TMEM178B: variants seen among roughly 807,000 people sequenced by gnomAD.
TMEM178B encodes the protein transmembrane protein 178B.
In TMEM178B, 5 loss-of-function variants were observed where a neutral mutation model predicts 31.0. The ratio of observed to expected loss-of-function variants is 0.16; its 90% CI spans 0.08 to 0.34. The LOEUF is 0.34. Ranked by LOEUF, TMEM178B falls within the 10% of genes least tolerant of loss-of-function variation. The probability of loss-of-function intolerance (pLI) is 1.00; values close to 1 mark genes in which losing one functional copy is unlikely to be tolerated. For synonymous variants in TMEM178B, 164 were observed against 164.0 expected, an observed-to-expected ratio of 1.00 and a Z score of 0.00; for missense variants, 275 against 400.3, an observed-to-expected ratio of 0.69 and a Z score of 2.67.
At chr7:141,179,395 T>G (rs1796481675) in intron 1 of TMEM178B, among the ~76,000 whole-genome samples, 1 of 152,190 alleles carries the variant, frequency 6.6e-6, no homozygotes, top group African/African-American at 2.4e-5. Context: ...GTAAGTTAAT[T>G]TTTTTCTTTT....
rs538195274 is a variant in TMEM178B, at chr7:141,240,880, G to A, written c.496+28176G>A. ...TAGCTTTTGTTAAGTTTTCTGAAAG[G>A]TGGGTGCTGGGAAGGTTGCACTTCT... On this transcript the variant is annotated intron_variant, in intron 2 of 3. Coordinates refer to ENST00000565468, the MANE Select transcript of TMEM178B (RefSeq NM_001195278.2). 2.0e-5 allele frequency among the ~76,000 whole-genome samples: 3 copies of A among 152,284 alleles called. No individual in the cohort carries two copies. The South Asian group carries it at 6.2e-4, about 32-fold the overall frequency.
chr7:141,174,113 C>T (rs1388900397), intron 1 of TMEM178B, among the ~76,000 whole-genome samples: 1 of 152,056 alleles, frequency 6.6e-6, no homozygotes, highest in Admixed American at 6.6e-5. Flanking sequence ...CCCCTAGCAC[C>T]ACCCCCACCC....
intron 2 of TMEM178B, among the ~76,000 whole-genome samples, chr7:141,350,029 A>G (rs1799689514): frequency 6.6e-6 from 1 of 151,974 alleles, no homozygotes; most frequent in South Asian, 2.1e-4. Context: ...CTATCTGTCC[A>G]TCCATCCATC....
chr7:141,185,076 G>A (rs375251049), intron 1 of TMEM178B, among the ~76,000 whole-genome samples: 1 of 152,180 alleles, frequency 6.6e-6, no homozygotes, highest in East Asian at 1.9e-4. Context: ...TCAGTGCCCT[G>A]CTGCTCAAAG....
intron 2 of TMEM178B, among the ~76,000 whole-genome samples, chr7:141,363,330 G>A (rs1478473761): frequency 6.6e-6 from 1 of 152,200 alleles, no homozygotes; most frequent in Non-Finnish European, 1.5e-5. Flanking sequence ...TTTCTTCCCT[G>A]AGTCTATTGC....
chr7:141,123,134 T>C (rs1795436102), intron 1 of TMEM178B, among the ~76,000 whole-genome samples: 2 of 152,248 alleles, frequency 1.3e-5, no homozygotes, highest in African/African-American at 4.8e-5. Context: ...TTAGCCTGTC[T>C]TTTCTCTGTC....
chr7:141,364,131 T>C (rs1799963192), intron 2 of TMEM178B, among the ~76,000 whole-genome samples: 1 of 152,164 alleles, frequency 6.6e-6, no homozygotes. Context: ...TAGATTTATG[T>C]GTTTTCTGCC....
At chr7:141,317,360 T>A (rs1332920095) in intron 2 of TMEM178B, among the ~76,000 whole-genome samples, 1 of 152,170 alleles carries the variant, frequency 6.6e-6, no homozygotes, top group East Asian at 1.9e-4. Flanking sequence ...AAAGGCCCTT[T>A]TTGGTTATAA....
intron 3 of TMEM178B, among the ~76,000 whole-genome samples, chr7:141,467,940 T>C (rs1802173969): frequency 6.8e-6 from 1 of 147,174 alleles, no homozygotes; most frequent in African/African-American, 2.5e-5. Context: ...TCTATTTTAC[T>C]GCCCCCTTAC....
At chr7:141,480,667 T>G (rs1001401698), downstream of TMEM178B, among the ~76,000 whole-genome samples, 1 of 152,230 alleles carries the variant, frequency 6.6e-6, no homozygotes, top group African/African-American at 2.4e-5. Context: ...ATTACTGGCA[T>G]TAATAACTCT....
intron 1 of TMEM178B, among the ~76,000 whole-genome samples, chr7:141,109,157 G>C (rs897264677): frequency 1.3e-5 from 2 of 152,162 alleles, no homozygotes; most frequent in Non-Finnish European, 2.9e-5. Flanking sequence ...AGAGTTGGGT[G>C]GGGGACACAG....
intron 2 of TMEM178B, among the ~76,000 whole-genome samples, chr7:141,221,842 C>T (rs1391100972): frequency 6.6e-6 from 1 of 152,234 alleles, no homozygotes; most frequent in African/African-American, 2.4e-5. Context: ...GCGTCAAGGG[C>T]AGTGCTTCCC....
chr7:141,165,644 C>T (rs1199185154), intron 1 of TMEM178B, among the ~76,000 whole-genome samples: 1 of 152,182 alleles, frequency 6.6e-6, no homozygotes, highest in Non-Finnish European at 1.5e-5. Context: ...GGAACCCCCT[C>T]CTTTCAAAGG....
chr7:141,334,863 C>G lies in TMEM178B; in HGVS notation c.497-102745C>G, dbSNP rs189870388. ...GTAAATATTTTTGCAAGTTGGAACT[C>G]TGAAGAAGACTTATTGATCTGTGGC... On this transcript the variant is annotated intron_variant, in intron 2 of 3. Coordinates refer to ENST00000565468, the MANE Select transcript of TMEM178B (RefSeq NM_001195278.2). Among the ~76,000 whole-genome samples the G allele has an allele frequency of 4.9e-3, 753 of 152,300 alleles. 12 individuals are homozygous for G. The highest frequency in any genetic ancestry group is 0.017 in the African/African-American group (713 of 41,570).
chr7:141,355,477 A>C (rs1799803309), intron 2 of TMEM178B, among the ~76,000 whole-genome samples: 1 of 152,132 alleles, frequency 6.6e-6, no homozygotes, highest in Non-Finnish European at 1.5e-5. Context: ...AGAGAAGAAG[A>C]AGCTATAATA....
At chr7:141,401,630 C>T (rs1248960633) in intron 2 of TMEM178B, among the ~76,000 whole-genome samples, 1 of 151,922 alleles carries the variant, frequency 6.6e-6, no homozygotes, top group Non-Finnish European at 1.5e-5. Flanking sequence ...GTATGTTGCC[C>T]AGGCTGGTCA....
chr7:141,345,101 A>T (rs1367527049), intron 2 of TMEM178B, among the ~76,000 whole-genome samples: 1 of 152,222 alleles, frequency 6.6e-6, no homozygotes, highest in African/African-American at 2.4e-5. Context: ...CAAGTAAAAA[A>T]TTACAGATAT....
intron 2 of TMEM178B, among the ~76,000 whole-genome samples, chr7:141,420,366 C>T (rs917692744): frequency 1.3e-5 from 2 of 152,090 alleles, no homozygotes. Context: ...GTAGGATGAA[C>T]CCAAAGAGGG....
intron 1 of TMEM178B, among the ~76,000 whole-genome samples, chr7:141,128,629 G>A (rs959982776): frequency 6.6e-6 from 1 of 151,950 alleles, no homozygotes; most frequent in Non-Finnish European, 1.5e-5. Context: ...TACATTAATA[G>A]TGCATGGGGT....
Sources: allele counts gnomAD v4.1 joint callset (sites outside exome capture counted in the v4.1 genomes callset), GRCh38; gene constraint gnomAD v4.1.1; transcripts MANE v1.5; gene names NCBI Gene and HGNC (gene_info 2026-07-23, HGNC 2026-07-21).